SPMIP4: variants seen among roughly 807,000 people sequenced by gnomAD.
SPMIP4 encodes the protein sperm-associated microtubule inner protein 4.
At chr7:25,141,572 A>AG in the SPMIP4 span, among the ~76,000 whole-genome samples, 93 of 67,628 alleles carry the variant, frequency 1.4e-3, no homozygotes, top group African/African-American at 2.3e-3. Flanking sequence ...CTCTGTCTCA[A>AG]GGAAAAAAAA....
At chr7:25,147,895 G>C in the SPMIP4 span, among the ~76,000 whole-genome samples, 4 of 152,146 alleles carry the variant, frequency 2.6e-5, no homozygotes, top group Non-Finnish European at 5.9e-5. Flanking sequence ...AGGTATTGAA[G>C]GATTAAGTAT....
chr7:25,171,284 T>C, the SPMIP4 span, among the ~76,000 whole-genome samples: 2 of 152,198 alleles, frequency 1.3e-5, no homozygotes, highest in African/African-American at 4.8e-5. Flanking sequence ...GCAGGGATTC[T>C]ACTGGCTCAC....
the SPMIP4 span, among the ~76,000 whole-genome samples, chr7:25,139,030 G>A: frequency 2.0e-5 from 3 of 152,308 alleles, no homozygotes; most frequent in East Asian, 3.9e-4. Flanking sequence ...GGGGGTATGA[G>A]GAGGAAACTT....
chr7:25,175,711 GCTTT>G, the SPMIP4 span, among the ~76,000 whole-genome samples: 2 of 152,156 alleles, frequency 1.3e-5, no homozygotes, highest in African/African-American at 4.8e-5. Context: ...AAAACCAGGG[GCTTT>G]CTGTTTTGTA....
chr7:25,179,186 G>T, the SPMIP4 span: 3 of 1,606,800 alleles, frequency 1.9e-6, no homozygotes, highest in Non-Finnish European at 2.6e-6. Flanking sequence ...TGTCCTCTGA[G>T]GCAGTTGGGC....
At chr7:25,178,518 T>C in the SPMIP4 span, among the ~76,000 whole-genome samples, 1 of 152,228 alleles carries the variant, frequency 6.6e-6, no homozygotes, top group Non-Finnish European at 1.5e-5. Context: ...TTTGGGCAGA[T>C]GGTAGAAGGG....
At chr7:25,130,519 AG>A in the SPMIP4 span, among the ~76,000 whole-genome samples, 3 of 152,062 alleles carry the variant, frequency 2.0e-5, no homozygotes, top group African/African-American at 7.2e-5. Flanking sequence ...TCACCATGTT[AG>A]CCAGACTGGT....
chr7:25,142,133 T>C, the SPMIP4 span: 1 of 705,668 alleles, frequency 1.4e-6, no homozygotes, highest in South Asian at 1.8e-5. Flanking sequence ...AGTAAAAATT[T>C]CCATTTGCTA....
the SPMIP4 span, among the ~76,000 whole-genome samples, chr7:25,148,239 G>T: frequency 6.6e-6 from 1 of 152,170 alleles, no homozygotes; most frequent in Non-Finnish European, 1.5e-5. Flanking sequence ...CCAAGGTTGA[G>T]GACCACTGCT....
At chr7:25,126,845 C>A in the SPMIP4 span, among the ~76,000 whole-genome samples, 5 of 152,170 alleles carry the variant, frequency 3.3e-5, no homozygotes, top group East Asian at 9.6e-4. Flanking sequence ...GAGGAACTCC[C>A]TTTAGCATTT....
chr7:25,162,187 C>T, the SPMIP4 span, among the ~76,000 whole-genome samples: 1 of 150,542 alleles, frequency 6.6e-6, no homozygotes, highest in Non-Finnish European at 1.5e-5. Context: ...ATGAGAATTG[C>T]TTGAACCTGG....
the SPMIP4 span, among the ~76,000 whole-genome samples, chr7:25,129,437 C>G: frequency 6.6e-6 from 1 of 152,184 alleles, no homozygotes; most frequent in Non-Finnish European, 1.5e-5. Flanking sequence ...ATGCAAGGCC[C>G]TGCAATCACT....
the SPMIP4 span, among the ~76,000 whole-genome samples, chr7:25,161,800 T>TAATCCATCTCTATCTACAC: frequency 2.0e-5 from 3 of 151,512 alleles, no homozygotes; most frequent in Non-Finnish European, 4.4e-5. Context: ...TCATTTGAAA[T>TAATCCATCTCTATCTACAC]TATTCAGAAA....
chr7:25,179,920 C>T, the SPMIP4 span: 2 of 152,490 alleles, frequency 1.3e-5, no homozygotes, highest in Non-Finnish European at 2.9e-5. Context: ...GAGGCCGAGC[C>T]TCACGGGCTG....
At chr7:25,134,580 G>A in the SPMIP4 span, 2 of 711,428 alleles carry the variant, frequency 2.8e-6, no homozygotes, top group Non-Finnish European at 3.4e-6. Flanking sequence ...TAGGCAGAGT[G>A]AACACCATAT....
the SPMIP4 span, among the ~76,000 whole-genome samples, chr7:25,162,884 G>A: frequency 3.3e-5 from 5 of 152,084 alleles, no homozygotes; most frequent in African/African-American, 7.2e-5. Context: ...TGATTCTCCC[G>A]CCTCAGCCTC....
chr7:25,179,546 CA>C, the SPMIP4 span: 1 of 364,784 alleles, frequency 2.7e-6, no homozygotes, highest in Middle Eastern at 7.0e-4. Flanking sequence ...ACGGTGCCTC[CA>C]AGTAGTCACC....
chr7:25,127,043 T>C, the SPMIP4 span, among the ~76,000 whole-genome samples: 3 of 152,366 alleles, frequency 2.0e-5, no homozygotes, highest in South Asian at 6.2e-4. Flanking sequence ...ACTGATAAGT[T>C]TGCTGCCAGA....
chr7:25,156,589 T>C, the SPMIP4 span, among the ~76,000 whole-genome samples: 1 of 152,190 alleles, frequency 6.6e-6, no homozygotes, highest in Non-Finnish European at 1.5e-5. Context: ...TTAAGCTTGA[T>C]AGAGGACTCC....
Sources: allele counts gnomAD v4.1 joint callset (sites outside exome capture counted in the v4.1 genomes callset), GRCh38; gene constraint gnomAD v4.1.1; transcripts MANE v1.5; gene names NCBI Gene and HGNC (gene_info 2026-07-23, HGNC 2026-07-21).